The following RYR2 variants were observed in gnomAD, a reference collection of about 807,000 sequenced individuals.
RYR2 encodes the protein ryanodine receptor 2.
Under a neutral mutation model 601.1 loss-of-function variants are expected in RYR2, and 227 were observed. The ratio of observed to expected loss-of-function variants is 0.38; its 90% CI spans 0.34 to 0.42. The LOEUF is 0.42. Among genes scored for constraint, RYR2 ranks in the 10% least tolerant of loss-of-function variants. The pLI, the probability that RYR2 is intolerant of heterozygous loss-of-function variation, is 1.00. For synonymous variants in RYR2, 2,223 were observed against 2,175.1 expected, an observed-to-expected ratio of 1.02 and a Z score of -0.61; for missense variants, 4,646 against 6,156.5, an observed-to-expected ratio of 0.75 and a Z score of 8.21.
Position 237,180,816 on chromosome 1 carries a change from C to A in RYR2, c.49-89681C>A, listed in dbSNP as rs1306893677. 1.4e-5 allele frequency among the ~76,000 whole-genome samples: 2 copies of A among 146,754 alleles called. No homozygotes were observed. Among genetic ancestry groups the A allele is most frequent in the Non-Finnish European group, 1.5e-5 (1 of 67,088 alleles). On this transcript the variant is annotated intron_variant, in intron 1 of 104. Coordinates refer to ENST00000366574, the MANE Select transcript of RYR2 (RefSeq NM_001035.3). The surrounding 1 kb of genome is among the most constrained non-coding windows in gnomAD (Gnocchi z 5.3). ...CCAATTATATAATAATTACTAATTT[C>A]AATCATGTAAATATATATCAATATT...
chr1:237,426,285 T>C (rs1005857144), intron 12 of RYR2, among the ~76,000 whole-genome samples: 1 of 152,164 alleles, frequency 6.6e-6, no homozygotes, highest in African/African-American at 2.4e-5. Context: ...ATTGTGAAAA[T>C]AGAGAGGCAC....
At chr1:237,477,576 C>T (rs1340117751) in intron 17 of RYR2, among the ~76,000 whole-genome samples, 1 of 152,198 alleles carries the variant, frequency 6.6e-6, no homozygotes, top group Non-Finnish European at 1.5e-5. Context: ...GGTCTGATTG[C>T]ATCTTGCTCA....
chr1:237,539,409 A>G (rs10925451), intron 25 of RYR2, among the ~76,000 whole-genome samples: 36,267 of 152,212 alleles, frequency 0.24, 4,462 homozygotes, highest in Admixed American at 0.32. Context: ...TAACCTTTTC[A>G]TAGCCCACAA....
At chr1:237,536,881 A>T (rs547098115) in intron 25 of RYR2, among the ~76,000 whole-genome samples, 2 of 151,558 alleles carry the variant, frequency 1.3e-5, no homozygotes, top group Admixed American at 6.6e-5. Flanking sequence ...GCGAGACTCC[A>T]TCTCAAAAAA....
At chr1:237,738,853 G>A (rs1691368704) in intron 79 of RYR2, among the ~76,000 whole-genome samples, 1 of 152,134 alleles carries the variant, frequency 6.6e-6, no homozygotes, top group South Asian at 2.1e-4. Flanking sequence ...GCTACAGGGT[G>A]TACCCATTTT....
chr1:237,555,963 G>A (rs1329315423), intron 27 of RYR2, among the ~76,000 whole-genome samples: 1 of 152,034 alleles, frequency 6.6e-6, no homozygotes, highest in Non-Finnish European at 1.5e-5. Flanking sequence ...TGTCACTTAA[G>A]GGCATAAACT....
intron 55 of RYR2, 97 bp downstream of exon 55, chr1:237,660,171 T>G (rs919042171): frequency 7.5e-5 from 48 of 638,030 alleles, no homozygotes; most frequent in Non-Finnish European, 1.1e-4. Context: ...TCTTCTTTAT[T>G]TTAAATTTCA....
At chr1:237,129,199 C>T (rs1008639488) in intron 1 of RYR2, among the ~76,000 whole-genome samples, 1 of 152,212 alleles carries the variant, frequency 6.6e-6, no homozygotes, top group African/African-American at 2.4e-5. Flanking sequence ...ATTCCTGCTT[C>T]TGCCATTGTC....
rs1485948927 is a variant in RYR2, at chr1:237,784,865, AAG to A, written c.13159_13160del (p.Glu4387ArgfsTer10). On this transcript the variant is annotated frameshift_variant, in exon 90 of 105. Coordinates refer to ENST00000366574, the MANE Select transcript of RYR2 (RefSeq NM_001035.3). LOFTEE classifies it high-confidence loss of function. The surrounding 1 kb of genome is among the most constrained non-coding windows in gnomAD (Gnocchi z 7.1). ...LLSDIFGLDL[K>X]REGGQYKLIP... ...TTCGGACATCTTTGGCCTGGATCTG[AAG>A]AGAGAAGGAGGACAGTACAAACTGA... 6.2e-7 allele frequency: 1 copy of A among 1,613,892 alleles called. No homozygotes were observed.
intron 34 of RYR2, among the ~76,000 whole-genome samples, chr1:237,599,598 A>G (rs1467441344): frequency 6.6e-6 from 1 of 152,064 alleles, no homozygotes; most frequent in African/African-American, 2.4e-5. Flanking sequence ...AGGCGGGTGG[A>G]TCATCTGAGG....
At chr1:237,360,877 G>A (rs752175787) in intron 4 of RYR2, among the ~76,000 whole-genome samples, 1 of 152,134 alleles carries the variant, frequency 6.6e-6, no homozygotes, top group Non-Finnish European at 1.5e-5. Context: ...CATTTCCATA[G>A]GATTTATATA....
At chr1:237,590,412 G>C (rs926198552) in intron 30 of RYR2, among the ~76,000 whole-genome samples, 2 of 152,132 alleles carry the variant, frequency 1.3e-5, no homozygotes, top group Admixed American at 1.3e-4. Context: ...GGCTGAATCT[G>C]AATATATAGA....
chr1:237,691,172 G>C (rs766582284), intron 63 of RYR2, among the ~76,000 whole-genome samples: 2 of 151,980 alleles, frequency 1.3e-5, no homozygotes, highest in African/African-American at 2.4e-5. Flanking sequence ...GTACTATCTT[G>C]GTTTAAAGAT....
chr1:237,476,235 C>G (rs959760368), intron 17 of RYR2, among the ~76,000 whole-genome samples: 1 of 152,056 alleles, frequency 6.6e-6, no homozygotes, highest in Admixed American at 6.6e-5. Flanking sequence ...TGAGGCTGGT[C>G]GTGGTGGCTC....
At chr1:237,192,194 T>C (rs1232272607) in intron 1 of RYR2, among the ~76,000 whole-genome samples, 1 of 152,072 alleles carries the variant, frequency 6.6e-6, no homozygotes, top group East Asian at 1.9e-4. Context: ...AAAAAACATT[T>C]TCTTATTTTT....
chr1:237,066,930 C>T (rs1003907768), intron 1 of RYR2, among the ~76,000 whole-genome samples: 1 of 152,162 alleles, frequency 6.6e-6, no homozygotes, highest in Non-Finnish European at 1.5e-5. Context: ...AGCCACCGCG[C>T]CCGGCATCTG....
At position 237,561,058 on chromosome 1, in the gene RYR2, T is replaced by C. The variant is rs865815291; in HGVS notation, c.3215-5509T>C. Among the ~76,000 whole-genome samples, 7 of 152,052 alleles carry C rather than the reference T, an allele frequency of 4.6e-5. No homozygotes were observed. In the South Asian group the frequency reaches 6.2e-4, roughly 13 times the overall value. ...AAGGGCAAGAAAGTATGGAAAGTTA[T>C]ATAGGGAAGGGAAGAATGAAGGAAT... On this transcript the variant is annotated intron_variant, in intron 27 of 104. Coordinates refer to ENST00000366574, the MANE Select transcript of RYR2 (RefSeq NM_001035.3).
chr1:237,480,436 A>G (rs568473276), intron 17 of RYR2, among the ~76,000 whole-genome samples: 3 of 151,874 alleles, frequency 2.0e-5, no homozygotes, highest in African/African-American at 7.2e-5. Flanking sequence ...CCTATCTGGC[A>G]TTCAACATTT....
intron 65 of RYR2, among the ~76,000 whole-genome samples, chr1:237,701,072 C>T (rs1465209158): frequency 6.6e-6 from 1 of 152,252 alleles, no homozygotes; most frequent in Non-Finnish European, 1.5e-5. Flanking sequence ...GAACTCCCCA[C>T]TGCCCTGCTC....
Sources: gnomAD v4.1 joint callset for allele counts (sites outside exome capture counted in the v4.1 genomes callset) on GRCh38, gnomAD v4.1.1 for gene constraint, Gnocchi (gnomAD v3.1) non-coding constraint, MANE v1.5 for transcripts, NCBI Gene and HGNC (gene_info 2026-07-23, HGNC 2026-07-21) for gene names.